ARHGEF18: variants seen among roughly 807,000 people sequenced by gnomAD.
ARHGEF18 encodes Rho/Rac guanine nucleotide exchange factor 18, also known as rho guanine nucleotide exchange factor 18.
ARHGEF18 carries 93 observed loss-of-function variants against 155.7 expected under a neutral mutation model. The observed-to-expected ratio is 0.60, with a 90% CI of 0.50 to 0.71. The LOEUF is 0.71. Ranked by LOEUF, ARHGEF18 falls within the 30% of genes least tolerant of loss-of-function variation. ARHGEF18 has a pLI of 0.00. For missense variants in ARHGEF18, 1,593 were observed against 1,816.1 expected, an observed-to-expected ratio of 0.88 and a Z score of 2.23; for synonymous variants, 742 against 753.1, an observed-to-expected ratio of 0.99 and a Z score of 0.24.
chr19:7,352,285 G>A (rs1328420437), intron 1 of ARHGEF18, among the ~76,000 whole-genome samples: 1 of 151,634 alleles, frequency 6.6e-6, no homozygotes, highest in Non-Finnish European at 1.5e-5. Context: ...CTCTCGGTGA[G>A]GGCTAGTCTA....
downstream of ARHGEF18, among the ~76,000 whole-genome samples, chr19:7,473,586 C>G (rs1977127382): frequency 6.6e-6 from 1 of 151,926 alleles, no homozygotes; most frequent in African/African-American, 2.4e-5. Context: ...CCAAGGTGGG[C>G]AGATTACGAG....
intron 19 of ARHGEF18, 88 bp from the exon 20 acceptor site, chr19:7,459,815 G>A (rs1259971843): frequency 3.0e-5 from 33 of 1,089,098 alleles, no homozygotes; most frequent in African/African-American, 3.2e-5. Flanking sequence ...AGAGACGGTC[G>A]TGGCGGCTGG....
intron 10 of ARHGEF18, among the ~76,000 whole-genome samples, chr19:7,429,338 C>T (rs1230088035): frequency 2.0e-5 from 3 of 152,182 alleles, no homozygotes; most frequent in African/African-American, 7.2e-5. Flanking sequence ...TGTGGCGGCT[C>T]ATGCCTGTAA....
chr19:7,437,994 TCCTCC>T (rs201898635), intron 10 of ARHGEF18, among the ~76,000 whole-genome samples: 105 of 133,542 alleles, frequency 7.9e-4, no homozygotes, highest in Non-Finnish European at 1.1e-3. Flanking sequence ...CTCTCCTCTC[TCCTCC>T]CCTCCCCTCC....
intron 14 of ARHGEF18, among the ~76,000 whole-genome samples, chr19:7,446,381 TAAAAG>T (rs1974992906): frequency 6.8e-6 from 1 of 147,708 alleles, no homozygotes; most frequent in Admixed American, 6.8e-5. Flanking sequence ...CTAAAAAAAA[TAAAAG>T]AAAATGGAAT....
intron 10 of ARHGEF18, among the ~76,000 whole-genome samples, chr19:7,410,877 C>T (rs1972634868): frequency 1.0e-5 from 1 of 97,630 alleles, no homozygotes; most frequent in African/African-American, 2.9e-5. Context: ...ATAGAACTAA[C>T]ATAATTGTTT....
chr19:7,408,247 A>G (rs1223206148), intron 10 of ARHGEF18, among the ~76,000 whole-genome samples: 1 of 152,184 alleles, frequency 6.6e-6, no homozygotes, highest in Non-Finnish European at 1.5e-5. Context: ...CACTGCCTCC[A>G]GCCTGGATGA....
At chr19:7,409,952 T>G (rs1225100487) in intron 10 of ARHGEF18, among the ~76,000 whole-genome samples, 2 of 14,052 alleles carry the variant, frequency 1.4e-4, no homozygotes, top group East Asian at 2.6e-3. Flanking sequence ...TTTTTTTGTA[T>G]TTTTTTTTTT....
At position 7,466,838 on chromosome 19, in the gene ARHGEF18, A is replaced by AG. The variant is rs1416589459; in HGVS notation, c.2905-79dup. ...AAAAAAAAAAAAAAGTTAAAAAAAA[A>AG]GAAGAAGAAGAAGAAGGCTTGAGTC... On this transcript the variant is annotated intron_variant, in intron 23 of 28. Transcript: ENST00000668164. 3.3e-3 allele frequency: 3,671 copies of AG among 1,122,030 alleles called. 13 individuals carry two copies. The highest frequency in any genetic ancestry group is 3.7e-3 in the Non-Finnish European group (2,935 of 794,622). The allele number at this position is 1,122,030 out of a possible 1,614,324, so 69.5% of individuals were successfully genotyped here.
rs2145911310 is a variant in ARHGEF18, at chr19:7,467,423, G to A, written c.3219G>A (p.Glu1073=). Residue 1073 remains glutamate, a synonymous_variant, in exon 26 of 29, where the codon GAG becomes GAA. Transcript: ENST00000668164. ...LRHEQQRWER[E]RQWQHQELER... ...ACGAGCAGCAGCGCTGGGAGCGCGA[G>A]CGCCAGTGGCAGCACCAGGAGCTGG... 6.5e-7 allele frequency: 1 copy of A among 1,531,824 alleles called. No homozygotes were observed. The allele number at this position is 1,531,824 out of a possible 1,614,324, so 94.9% of individuals were successfully genotyped here. A position where few individuals can be genotyped will look rare whatever the true frequency, so the allele number is the denominator to read the frequency against.
intron 10 of ARHGEF18, among the ~76,000 whole-genome samples, chr19:7,409,022 T>A (rs115742801): frequency 0.059 from 8,861 of 150,626 alleles, 822 homozygotes; most frequent in African/African-American, 0.2. Context: ...ATTGCACCAC[T>A]GCATTCCAGC....
In ARHGEF18 at chr19:7,395,463, T is replaced by C. The variant is rs1971645732; in HGVS notation, c.967+12260T>C. 6.6e-6 allele frequency among the ~76,000 whole-genome samples: 1 copy of C among 151,824 alleles called. No homozygotes were observed. Among genetic ancestry groups the C allele is most frequent in the Non-Finnish European group, 1.5e-5 (1 of 67,910 alleles). On this transcript the variant is annotated intron_variant, in intron 10 of 28. Transcript: ENST00000668164. This position sits in a 1 kb window ranked among gnomAD's most constrained non-coding sequence, Gnocchi z 5.0. ...AGGCGGCGATTGCAGGGTGCAGAGG[T>C]GCAGACGATGCCCGCCCGCTCCGTC...
intron 1 of ARHGEF18, among the ~76,000 whole-genome samples, chr19:7,358,092 ACCATGCAG>A (rs1463976548): frequency 6.6e-6 from 1 of 151,938 alleles, no homozygotes; most frequent in Non-Finnish European, 1.5e-5. Context: ...CATCCCTGCA[ACCATGCAG>A]CCATCCAACT....
At chr19:7,464,139 G>C (rs1309792300) in intron 22 of ARHGEF18, among the ~76,000 whole-genome samples, 184 bp downstream of exon 22, 2 of 152,196 alleles carry the variant, frequency 1.3e-5, no homozygotes, top group Non-Finnish European at 2.9e-5. Context: ...CTGGGTTCAA[G>C]TGATTCTCCC....
At chr19:7,350,696 G>A (rs1386228680) in intron 1 of ARHGEF18, among the ~76,000 whole-genome samples, 1 of 151,996 alleles carries the variant, frequency 6.6e-6, no homozygotes, top group African/African-American at 2.4e-5. Flanking sequence ...ATGTGGCCTT[G>A]GGCAAATGAC....
At chr19:7,467,942 G>C (rs1338449879) in intron 26 of ARHGEF18, among the ~76,000 whole-genome samples, 2 of 152,126 alleles carry the variant, frequency 1.3e-5, no homozygotes, top group Non-Finnish European at 2.9e-5. Context: ...ATGCACTCCT[G>C]TAATCCCAGC....
At chr19:7,378,581 A>G in intron 6 of ARHGEF18, 130 bp downstream of exon 6, 1 of 630,006 alleles carries the variant, frequency 1.6e-6, no homozygotes, top group Non-Finnish European at 2.2e-6. Flanking sequence ...CCATCCCACT[A>G]GTCCCCCCAT....
chr19:7,406,063 G>A (rs952498895), intron 10 of ARHGEF18, among the ~76,000 whole-genome samples: 1 of 152,070 alleles, frequency 6.6e-6, no homozygotes, highest in African/African-American at 2.4e-5. Flanking sequence ...GAGGTCTTCA[G>A]GAGAACACCA....
intron 10 of ARHGEF18, among the ~76,000 whole-genome samples, chr19:7,389,152 ATT>A (rs1285345338): frequency 1.4e-4 from 17 of 118,118 alleles, no homozygotes; most frequent in East Asian, 2.3e-4. Context: ...CACCAGGCTA[ATT>A]TTTTTTTTTT....
Sources: allele counts gnomAD v4.1 joint callset (sites outside exome capture counted in the v4.1 genomes callset), GRCh38; gene constraint gnomAD v4.1.1; non-coding constraint Gnocchi (gnomAD v3.1); transcripts MANE v1.5; gene names NCBI Gene and HGNC (gene_info 2026-07-23, HGNC 2026-07-21).